The following PKD1L3 variants were observed in gnomAD, a reference collection of about 807,000 sequenced individuals.
PKD1L3 encodes polycystin 1 like 3, transient receptor potential channel interacting, also known as polycystin-1-like protein 3.
PKD1L3 carries 239 observed loss-of-function variants against 184.1 expected under a neutral mutation model. That is an observed-to-expected ratio of 1.30 (90% CI 1.17 to 1.45). The LOEUF (loss-of-function observed/expected upper bound fraction) is 1.45. PKD1L3 is among the 40% of genes most tolerant of loss of function. PKD1L3 has a pLI of 0.00. For missense variants in PKD1L3, 2,660 were observed against 2,067.2 expected (o/e 1.29, Z -5.56); for synonymous variants, 996 against 778.8 (o/e 1.28, Z -4.64).
Position 71,967,178 on chromosome 16 carries a change from G to C in PKD1L3, c.2424C>G (p.Ser808Arg), listed in dbSNP as rs1476965496. The C allele has an allele frequency of 2.6e-6, 4 of 1,551,724 alleles. No individual in the cohort carries two copies. Among genetic ancestry groups the C allele is most frequent in the South Asian group, 2.4e-5 (2 of 84,066 alleles). ...TTWTSLGNLH[S>R]LRLWHDNSGV... is the part of the protein sequence containing the mutation. ...CAGAATTGTCATGCCAGAGCCGAAG[G>C]CTGTGCAGGTTCCCTAGAGAGGTCC... Residue 808 changes from serine (S) to arginine (R), a missense_variant, in exon 15 of 30, where the codon AGC (serine) becomes AGG (arginine). Coordinates refer to ENST00000620267, the MANE Select transcript of PKD1L3 (RefSeq NM_181536.2).
chr16:71,998,435 G>C (rs1459390810), intron 1 of PKD1L3, 41 bp from the exon 2 acceptor site: 13 of 1,523,526 alleles, frequency 8.5e-6, no homozygotes, highest in Non-Finnish European at 1.1e-5. Flanking sequence ...ATACTCGAAA[G>C]CCAGGCTTTT....
intron 16 of PKD1L3, among the ~76,000 whole-genome samples, chr16:71,956,008 A>T (rs903269960): frequency 1.6e-4 from 24 of 151,846 alleles, no homozygotes; most frequent in Non-Finnish European, 3.4e-4. Flanking sequence ...AATAGACTAA[A>T]TATAACACCT....
Position 71,977,378 on chromosome 16 carries a change from A to G in PKD1L3, c.1617T>C (p.Thr539=), listed in dbSNP as rs2039969650. Residue 539 remains threonine (T), a synonymous_variant, in exon 11 of 30, where the codon ACT becomes ACC. Transcript: ENST00000620267. The part of the protein sequence containing the change: ...THQLTITVNV[T]SLEKSLIVSI... ...TCACTATCAAGGATTTCTCCAAGGA[A>G]GTGACGTTCACTGTGATTGTAAGCT... is the stretch of plus-strand genomic sequence containing the variant. The G allele has an allele frequency of 6.4e-7, 1 of 1,551,056 alleles. No homozygotes were observed. The highest frequency in any genetic ancestry group is 2.0e-5 in the Admixed American group (1 of 50,980).
Position 71,953,052 on chromosome 16 carries a change from T to C in PKD1L3, c.2851A>G (p.Ile951Val). 1 of 1,537,102 alleles carries C rather than the reference T, an allele frequency of 6.5e-7. No individual in the cohort carries two copies. Among genetic ancestry groups the C allele is most frequent in the Non-Finnish European group, 8.8e-7 (1 of 1,141,618 alleles). Residue 951 changes from isoleucine (I) to valine (V), a missense_variant, in exon 18 of 30, where the codon ATC becomes GTC. Coordinates refer to ENST00000620267, the MANE Select transcript of PKD1L3 (RefSeq NM_181536.2). ...GGGAAGAGGATGACAGCAGTATGGA[T>C]GCTGACCAGCAGTTCAGACCAGGCC... is the stretch of plus-strand genomic sequence containing the variant. ...AVAWSELLVS[I>V]HTAVILFPIN...
At chr16:71,974,657 C>T (rs568333760) in intron 11 of PKD1L3, among the ~76,000 whole-genome samples, 4 of 152,158 alleles carry the variant, frequency 2.6e-5, no homozygotes, top group Non-Finnish European at 5.9e-5. Flanking sequence ...GCGCTCCACC[C>T]TGGGCGACAC....
chr16:71,972,973 A>T (rs1334913080), intron 12 of PKD1L3, among the ~76,000 whole-genome samples: 1 of 152,220 alleles, frequency 6.6e-6, no homozygotes, highest in Non-Finnish European at 1.5e-5. Flanking sequence ...GAGCTATGAA[A>T]GTTCTCCTTC....
chr16:71,991,776 G>T lies in PKD1L3; in HGVS notation c.535+1440C>A, dbSNP rs145008232. ...TAGCATCATGTTCTAAGCACAATTA[G>T]TGAAAAGTAACCTAGATACACACTG... On this transcript the variant is annotated intron_variant, in intron 3 of 29. Transcript: ENST00000620267. Among the ~76,000 whole-genome samples, 988 of 152,276 alleles carry T rather than the reference G, an allele frequency of 6.5e-3. 10 individuals are homozygous for T. Among genetic ancestry groups the T allele is most frequent in the African/African-American group, 0.021 (867 of 41,544 alleles).
chr16:71,940,669 T>G (rs572860400), intron 24 of PKD1L3, among the ~76,000 whole-genome samples: 17 of 151,898 alleles, frequency 1.1e-4, no homozygotes, highest in African/African-American at 4.1e-4. Context: ...CTGGCTAATT[T>G]TTGTATTTTT....
At chr16:71,956,488 C>T (rs1016643389) in intron 16 of PKD1L3, among the ~76,000 whole-genome samples, 2 of 151,926 alleles carry the variant, frequency 1.3e-5, no homozygotes, top group African/African-American at 2.4e-5. Flanking sequence ...CCACCGCACC[C>T]GGCCCAAAAA....
In PKD1L3 at chr16:71,984,304, T is replaced by A. The variant is rs73582529; in HGVS notation, c.835-137A>T. On this transcript the variant is annotated intron_variant, in intron 5 of 29. Coordinates refer to ENST00000620267, the MANE Select transcript of PKD1L3 (RefSeq NM_181536.2). Reference sequence around the variant, plus strand: ...GAACCACAGCTCTCTAAAACAGTGATTACTTTCAGAAGCTTTTCTGCGAGT... The same window carrying A: ...GAACCACAGCTCTCTAAAACAGTGAATACTTTCAGAAGCTTTTCTGCGAGT... The A allele has an allele frequency of 0.011, 9,029 of 794,576 alleles. 619 individuals carry two copies. In the African/African-American group the frequency reaches 0.14, roughly 13 times the overall value. 49.2% of individuals were successfully genotyped at this position (794,576 alleles called of 1,614,324 possible). A position where few individuals can be genotyped will look rare whatever the true frequency, so the allele number is the denominator to read the frequency against.
intron 23 of PKD1L3, among the ~76,000 whole-genome samples, chr16:71,943,307 C>G (rs375193968): frequency 6.6e-6 from 1 of 151,958 alleles, no homozygotes; most frequent in African/African-American, 2.4e-5. Flanking sequence ...GAAGCTGAGA[C>G]GGGCAGATCA....
Position 71,998,445 on chromosome 16 carries a change from T to C in PKD1L3, c.296-51A>G, listed in dbSNP as rs1259241755. ...GCCTCATACTCGAAAGCCAGGCTTT[T>C]AGGTTTATTTTTTATTATTGTTTTT... On this transcript the variant is annotated intron_variant, in intron 1 of 29. Transcript: ENST00000620267. 5 of 1,517,286 alleles carry C rather than the reference T, an allele frequency of 3.3e-6. No individual in the cohort carries two copies. The Admixed American group carries it at 1.0e-4, about 31-fold the overall frequency. The allele number at this position is 1,517,286 out of a possible 1,614,324, so 94.0% of individuals were successfully genotyped here.
At chr16:71,994,173 G>A (rs538732338) in intron 2 of PKD1L3, among the ~76,000 whole-genome samples, 1 of 152,230 alleles carries the variant, frequency 6.6e-6, no homozygotes, top group East Asian at 1.9e-4. Flanking sequence ...TGATGACTAT[G>A]GCTCAGCTTA....
At position 71,952,854 on chromosome 16, in the gene PKD1L3, C is replaced by CAATAA. The variant is rs750851327; in HGVS notation, c.3009+35_3009+39dup. ...CCCTATGTCAAAACAAACAAGCAGGCAATAAAATAAGATAAAATAAAATTT... is the reference window on the plus strand; with the variant it reads ...CCCTATGTCAAAACAAACAAGCAGGCAATAAAATAAAATAAGATAAAATAAAATTT... On this transcript the variant is annotated intron_variant, in intron 18 of 29. Coordinates refer to ENST00000620267, the MANE Select transcript of PKD1L3 (RefSeq NM_181536.2). The CAATAA allele has an allele frequency of 5.8e-5, 88 of 1,505,574 alleles. 1 individual carries two copies. The highest frequency in any genetic ancestry group is 1.9e-4 in the South Asian group (15 of 79,956). 93.3% of individuals were successfully genotyped at this position (1,505,574 alleles called of 1,614,324 possible).
Position 71,982,050 on chromosome 16 carries a change from G to A in PKD1L3, c.1143+9C>T. On this transcript the variant is annotated intron_variant, in intron 7 of 29. Transcript: ENST00000620267. Reference sequence around the variant, plus strand: ...AGCAGATCTGGCCACCTGCATATCTGGCACCTACCGGCTCAGTATGACGCT... The same window carrying A: ...AGCAGATCTGGCCACCTGCATATCTAGCACCTACCGGCTCAGTATGACGCT... The A allele has an allele frequency of 6.5e-7, 1 of 1,536,626 alleles. No individual in the cohort carries two copies. Among genetic ancestry groups the A allele is most frequent in the Non-Finnish European group, 8.8e-7 (1 of 1,141,072 alleles).
Position 71,942,863 on chromosome 16 carries a change from G to C in PKD1L3, c.4021C>G (p.Pro1341Ala), listed in dbSNP as rs1300981457. Residue 1341 changes from proline to alanine, a missense_variant, in exon 24 of 30, where the codon CCT becomes GCT. Coordinates refer to ENST00000620267, the MANE Select transcript of PKD1L3 (RefSeq NM_181536.2). ...FYPWANHILL[P>A]SLYGDYRGKN... ...CCTCTGTAATCCCCATACAGGCTAG[G>C]AAGAAGGATATGATTGGCCCAGGGG... 3 of 1,551,648 alleles carry C rather than the reference G, an allele frequency of 1.9e-6. No homozygotes were observed. In the East Asian group the frequency reaches 7.3e-5, roughly 38 times the overall value.
intron 28 of PKD1L3, chr16:71,930,479 C>T: frequency 4.4e-6 from 1 of 228,368 alleles, no homozygotes; most frequent in Non-Finnish European, 8.6e-6. Flanking sequence ...GCAAAAAATA[C>T]ATCTAATCAT....
intron 16 of PKD1L3, among the ~76,000 whole-genome samples, chr16:71,959,903 A>T (rs563702084): frequency 6.6e-6 from 1 of 152,226 alleles, no homozygotes; most frequent in Non-Finnish European, 1.5e-5. Flanking sequence ...AGATCACTTG[A>T]ACCCAGGAGT....
At chr16:71,963,850 C>G (rs993040205) in intron 15 of PKD1L3, among the ~76,000 whole-genome samples, 1 of 152,112 alleles carries the variant, frequency 6.6e-6, no homozygotes, top group African/African-American at 2.4e-5. Flanking sequence ...GTTCATGTAC[C>G]AGACACCAGA....
Sources: gnomAD v4.1 joint callset for allele counts (sites outside exome capture counted in the v4.1 genomes callset) on GRCh38, gnomAD v4.1.1 for gene constraint, MANE v1.5 for transcripts, NCBI Gene and HGNC (gene_info 2026-07-23, HGNC 2026-07-21) for gene names.